The following UBE4B variants were observed in gnomAD, a reference collection of about 807,000 sequenced individuals.
The protein encoded by UBE4B is ubiquitin conjugation factor E4 B.
Under a neutral mutation model 148.1 loss-of-function variants are expected in UBE4B, and 27 were observed. The observed-to-expected ratio is 0.18, with a 90% CI of 0.13 to 0.25. The LOEUF is 0.25. Ranked by LOEUF, UBE4B falls within the 10% of genes least tolerant of loss-of-function variation. The pLI, the probability that UBE4B is intolerant of heterozygous loss-of-function variation, is 1.00. For synonymous variants in UBE4B, 596 were observed against 619.3 expected (o/e 0.96, Z 0.56); for missense variants, 1,170 against 1,662.4 (o/e 0.70, Z 5.15).
Position 10,180,836 on chromosome 1 carries a change from T to G in UBE4B, c.*880T>G, listed in dbSNP as rs1191373745. 1 of 152,418 alleles carries G rather than the reference T, an allele frequency of 6.6e-6. No individual in the cohort carries two copies. The highest frequency in any genetic ancestry group is 1.5e-5 in the Non-Finnish European group (1 of 68,010). The allele number at this position is 152,418 out of a possible 1,614,324, so 9.4% of individuals were successfully genotyped here. On this transcript the variant is annotated 3_prime_UTR_variant, in exon 28 of 28. Transcript: ENST00000343090. ...TAATGCTACGTGACAGTTTGAAACCTTCACAGTTATCCTCTGGGGGTAAAT... is the reference window on the plus strand; with the variant it reads ...TAATGCTACGTGACAGTTTGAAACCGTCACAGTTATCCTCTGGGGGTAAAT...
chr1:10,079,450 G>A (rs1343120061), intron 2 of UBE4B, among the ~76,000 whole-genome samples: 2 of 152,116 alleles, frequency 1.3e-5, no homozygotes, highest in East Asian at 3.9e-4. Flanking sequence ...GTGAGCCACC[G>A]CACCCGACCT....
intron 22 of UBE4B, among the ~76,000 whole-genome samples, chr1:10,159,872 C>T: frequency 6.6e-6 from 1 of 152,166 alleles, no homozygotes; most frequent in East Asian, 1.9e-4. Flanking sequence ...CTTTTTGTTT[C>T]CATAAACTGC....
intron 1 of UBE4B, among the ~76,000 whole-genome samples, chr1:10,041,475 C>T (rs1643761291): frequency 6.6e-6 from 1 of 151,638 alleles, no homozygotes; most frequent in South Asian, 2.1e-4. Flanking sequence ...GCTTTGATTA[C>T]AGGCTCCCGC....
At chr1:10,053,789 A>C (rs1318259973) in intron 1 of UBE4B, among the ~76,000 whole-genome samples, 1 of 152,070 alleles carries the variant, frequency 6.6e-6, no homozygotes, top group Non-Finnish European at 1.5e-5. Flanking sequence ...TTTCGGGCTC[A>C]AGTGATCCTC....
intron 17 of UBE4B, 29 bp downstream of exon 17, chr1:10,137,234 T>C (rs377331546): frequency 1.2e-6 from 2 of 1,612,446 alleles, no homozygotes; most frequent in South Asian, 1.1e-5. Flanking sequence ...TGTCCTGGGA[T>C]TGCCTGAGTT....
chr1:10,097,058 T>A (rs963538949), intron 3 of UBE4B, among the ~76,000 whole-genome samples: 16 of 147,008 alleles, frequency 1.1e-4, no homozygotes, highest in Middle Eastern at 6.8e-3. Context: ...AAAAAAATAA[T>A]AATAATAATA....
At chr1:10,150,808 C>G (rs1327513958) in intron 20 of UBE4B, among the ~76,000 whole-genome samples, 2 of 146,074 alleles carry the variant, frequency 1.4e-5, no homozygotes, top group South Asian at 4.3e-4. Flanking sequence ...TTCAGTGAGC[C>G]GAGATTGTGC....
chr1:10,034,634 G>A (rs1273276937), intron 1 of UBE4B, among the ~76,000 whole-genome samples: 1 of 152,096 alleles, frequency 6.6e-6, no homozygotes, highest in Non-Finnish European at 1.5e-5. Context: ...TTTCTTCACT[G>A]GTTCATCATG....
rs1172454372 is a variant in UBE4B, at chr1:10,108,460, GT to G, written c.1196+1878del. 7.2e-5 allele frequency among the ~76,000 whole-genome samples: 11 copies of G among 152,168 alleles called. 1 individual carries two copies. Among genetic ancestry groups the G allele is most frequent in the Admixed American group, 1.3e-4 (2 of 15,260 alleles). On this transcript the variant is annotated intron_variant, in intron 7 of 27. Transcript: ENST00000343090. Reference sequence around the variant, plus strand: ...GAGTGAAAAGCACTACTTGGGTTGTGTAGGTGACTTTGAGCAAGAGAATATA... The same window carrying G: ...GAGTGAAAAGCACTACTTGGGTTGTGAGGTGACTTTGAGCAAGAGAATATA...
intron 19 of UBE4B, among the ~76,000 whole-genome samples, chr1:10,148,028 C>A (rs1645903577): frequency 6.6e-6 from 1 of 152,012 alleles, no homozygotes; most frequent in Admixed American, 6.6e-5. Context: ...GAGATCGAGA[C>A]CATCTTTGCT....
intron 23 of UBE4B, among the ~76,000 whole-genome samples, chr1:10,165,674 C>T (rs1646236145): frequency 6.6e-6 from 1 of 152,112 alleles, no homozygotes; most frequent in Non-Finnish European, 1.5e-5. Context: ...CACGTGAGGG[C>T]CTTTACACCT....
At chr1:10,065,545 CAATT>C (rs1644371692) in intron 1 of UBE4B, among the ~76,000 whole-genome samples, 1 of 152,190 alleles carries the variant, frequency 6.6e-6, no homozygotes, top group African/African-American at 2.4e-5. Flanking sequence ...AATGTGAACA[CAATT>C]GAATGTGTCA....
chr1:10,088,142 C>G (rs1644791632), intron 2 of UBE4B, among the ~76,000 whole-genome samples: 1 of 152,028 alleles, frequency 6.6e-6, no homozygotes, highest in Middle Eastern at 3.2e-3. Flanking sequence ...TTTTTCCTGC[C>G]CCAGCCCTAG....
chr1:10,139,106 A>G (rs1645743138), intron 17 of UBE4B, among the ~76,000 whole-genome samples: 1 of 152,226 alleles, frequency 6.6e-6, no homozygotes, highest in Non-Finnish European at 1.5e-5. Flanking sequence ...CTTATAGAAG[A>G]AACTGGGGGC....
intron 23 of UBE4B, among the ~76,000 whole-genome samples, chr1:10,162,899 T>C (rs1426706169): frequency 1.3e-5 from 2 of 152,128 alleles, no homozygotes. Flanking sequence ...TTCTACCCAT[T>C]CTCTGAGTAA....
At chr1:10,126,734 T>TA in intron 10 of UBE4B, 60 bp from the exon 11 acceptor site, 1 of 1,420,070 alleles carries the variant, frequency 7.0e-7, no homozygotes, top group Non-Finnish European at 9.9e-7. Context: ...TTATTTGACA[T>TA]ACTTCCCACT....
At chr1:10,079,387 T>C (rs1200578342) in intron 2 of UBE4B, among the ~76,000 whole-genome samples, 1 of 152,172 alleles carries the variant, frequency 6.6e-6, no homozygotes, top group East Asian at 1.9e-4. Flanking sequence ...CTTGAACTTC[T>C]GACCTCAAGT....
At chr1:10,075,364 C>T (rs912311873) in intron 2 of UBE4B, among the ~76,000 whole-genome samples, 4 of 152,196 alleles carry the variant, frequency 2.6e-5, no homozygotes, top group African/African-American at 9.7e-5. Context: ...ACCGCTATTA[C>T]CCAGGTCCAA....
At chr1:10,175,417 C>T (rs549393168) in intron 25 of UBE4B, among the ~76,000 whole-genome samples, 93 of 152,006 alleles carry the variant, frequency 6.1e-4, no homozygotes, top group South Asian at 3.1e-3. Context: ...TTTGGGAGGC[C>T]AAGGCGGGCG....
Sources: gnomAD v4.1 joint callset for allele counts (sites outside exome capture counted in the v4.1 genomes callset) on GRCh38, gnomAD v4.1.1 for gene constraint, MANE v1.5 for transcripts, NCBI Gene and HGNC (gene_info 2026-07-23, HGNC 2026-07-21) for gene names.